The following OXR1 variants were observed in gnomAD, a reference collection of about 807,000 sequenced individuals.
The protein encoded by OXR1 is oxidation resistance 1.
In OXR1, 41 loss-of-function variants were observed where a neutral mutation model predicts 104.6. The observed-to-expected ratio is 0.39, with a 90% CI of 0.31 to 0.51. The LOEUF (loss-of-function observed/expected upper bound fraction) is 0.51, where lower values mean the gene tolerates loss of function less well. Ranked by LOEUF, OXR1 falls within the 20% of genes least tolerant of loss-of-function variation. The pLI, the probability that OXR1 is intolerant of heterozygous loss-of-function variation, is 0.77. For missense variants in OXR1, 955 were observed against 1,031.9 expected, an observed-to-expected ratio of 0.93 and a Z score of 1.02; for synonymous variants, 348 against 348.4, an observed-to-expected ratio of 1.00 and a Z score of 0.01.
intron 2 of OXR1, chr8:106,448,011 G>C (rs1179694018): frequency 3.4e-6 from 5 of 1,483,268 alleles, no homozygotes; most frequent in Non-Finnish European, 4.4e-6. Flanking sequence ...TTGCCTGCCT[G>C]CCTGCACAGA....
In OXR1 at chr8:106,659,671, G is replaced by A. The variant is rs28921378; in HGVS notation, c.221-19539G>A. Among the ~76,000 whole-genome samples the A allele has an allele frequency of 2.4e-3, 371 of 152,286 alleles. 3 individuals are homozygous for A. Among genetic ancestry groups the A allele is most frequent in the African/African-American group, 8.1e-3 (335 of 41,560 alleles). ...GGTAACTTAACTAAAAAGGAATATGGTTAGTATTTTAATAAATATGGCCAA... is the reference window on the plus strand; with the variant it reads ...GGTAACTTAACTAAAAAGGAATATGATTAGTATTTTAATAAATATGGCCAA... On this transcript the variant is annotated intron_variant, in intron 3 of 16. Coordinates refer to ENST00000517566, the MANE Select transcript of OXR1 (RefSeq NM_001198533.2).
chr8:106,386,806 A>G lies in OXR1; in HGVS notation c.23+27170A>G, dbSNP rs1817389721. 5.9e-5 allele frequency among the ~76,000 whole-genome samples: 9 copies of G among 152,348 alleles called. No homozygotes were observed. In the South Asian group the frequency reaches 1.9e-3, roughly 32 times the overall value. On this transcript the variant is annotated intron_variant, in intron 2 of 16. Coordinates refer to ENST00000517566, the MANE Select transcript of OXR1 (RefSeq NM_001198533.2). ...AAGGGAAGTGTGGAGAAGCAGGGGA[A>G]AATAAGCATGGGGACAGGAGCTAAG...
At chr8:106,465,869 T>C (rs1414423577) in intron 2 of OXR1, among the ~76,000 whole-genome samples, 2 of 151,990 alleles carry the variant, frequency 1.3e-5, no homozygotes, top group African/African-American at 4.8e-5. Context: ...AATTCTGAGA[T>C]TGGTTTCTAT....
chr8:106,494,071 A>C (rs781082868), intron 2 of OXR1, among the ~76,000 whole-genome samples: 20 of 152,310 alleles, frequency 1.3e-4, no homozygotes, highest in Non-Finnish European at 2.8e-4. Context: ...GAAAATTGTA[A>C]GCATGTTATT....
At chr8:106,316,737 T>TATC (rs1421940795) in intron 1 of OXR1, among the ~76,000 whole-genome samples, 45 of 129,420 alleles carry the variant, frequency 3.5e-4, no homozygotes, top group African/African-American at 8.3e-4. Context: ...TCTATCTATC[T>TATC]ATCTATCTAT....
At chr8:106,392,398 G>T (rs1245985263) in intron 2 of OXR1, among the ~76,000 whole-genome samples, 1 of 152,160 alleles carries the variant, frequency 6.6e-6, no homozygotes, top group African/African-American at 2.4e-5. Context: ...TGTCAAGTAG[G>T]CAGTTGGAGA....
chr8:106,573,253 C>T (rs1434607680), intron 3 of OXR1, among the ~76,000 whole-genome samples: 1 of 151,996 alleles, frequency 6.6e-6, no homozygotes, highest in Non-Finnish European at 1.5e-5. Flanking sequence ...CCCACCCCTG[C>T]CCCACCACAG....
At chr8:106,709,492 A>G (rs1223241060) in intron 9 of OXR1, among the ~76,000 whole-genome samples, 1 of 151,942 alleles carries the variant, frequency 6.6e-6, no homozygotes, top group East Asian at 1.9e-4. Context: ...CTTTGACTGC[A>G]TCTTTGACTA....
intron 1 of OXR1, among the ~76,000 whole-genome samples, chr8:106,333,663 T>C (rs1814830913): frequency 6.6e-6 from 1 of 152,098 alleles, no homozygotes; most frequent in South Asian, 2.1e-4. Context: ...TTGTATATGG[T>C]GAAGTAGAGG....
At chr8:106,463,479 C>G (rs1029509153) in intron 2 of OXR1, among the ~76,000 whole-genome samples, 1 of 152,044 alleles carries the variant, frequency 6.6e-6, no homozygotes, top group Non-Finnish European at 1.5e-5. Context: ...AAATATACTT[C>G]ATGTCTGTTT....
In OXR1 at chr8:106,490,862, G is replaced by C. The variant is rs3018081; in HGVS notation, c.24-28081G>C. Among the ~76,000 whole-genome samples the C allele has an allele frequency of 2.7e-4, 41 of 152,178 alleles. No homozygotes were observed. The South Asian group carries it at 4.4e-3, about 16-fold the overall frequency. ...TTTGGCGTGTTTAGCGTGTGTGGAG[G>C]GGGGAGCTGTAGGAGATAATGCCCT... On this transcript the variant is annotated intron_variant, in intron 2 of 16. Transcript: ENST00000517566.
chr8:106,464,162 T>G (rs1821058118), intron 2 of OXR1, among the ~76,000 whole-genome samples: 1 of 152,098 alleles, frequency 6.6e-6, no homozygotes, highest in African/African-American at 2.4e-5. Context: ...ACCCAGAATC[T>G]TCATAGAAAG....
intron 2 of OXR1, among the ~76,000 whole-genome samples, chr8:106,488,768 G>T (rs1242322962): frequency 1.4e-5 from 2 of 146,942 alleles, no homozygotes; most frequent in African/African-American, 5.1e-5. Context: ...GCTCTGTTCT[G>T]TTCCATTGAT....
chr8:106,716,693 A>G (rs918367490), intron 11 of OXR1, among the ~76,000 whole-genome samples: 9 of 152,138 alleles, frequency 5.9e-5, no homozygotes, highest in South Asian at 2.1e-4. Flanking sequence ...TTAGAATGGA[A>G]AGAAAAAAGA....
At chr8:106,743,783 T>C (rs2131586622) in intron 15 of OXR1, among the ~76,000 whole-genome samples, 1 of 152,276 alleles carries the variant, frequency 6.6e-6, no homozygotes, top group South Asian at 2.1e-4. Flanking sequence ...CCTCCTAATA[T>C]AAAGATACAT....
intron 11 of OXR1, among the ~76,000 whole-genome samples, chr8:106,734,579 G>A (rs181802284): frequency 6.6e-6 from 1 of 152,206 alleles, no homozygotes; most frequent in East Asian, 1.9e-4. Context: ...ACACTGGAAC[G>A]TCCATAAGGT....
chr8:106,569,422 C>T (rs1217039721), intron 3 of OXR1, among the ~76,000 whole-genome samples: 1 of 152,112 alleles, frequency 6.6e-6, no homozygotes, highest in Non-Finnish European at 1.5e-5. Context: ...TCTGCAATTG[C>T]ACGTATAGGT....
At chr8:106,577,634 C>T (rs1304753656) in intron 3 of OXR1, among the ~76,000 whole-genome samples, 1 of 152,060 alleles carries the variant, frequency 6.6e-6, no homozygotes, top group Admixed American at 6.6e-5. Flanking sequence ...AGGTGATCCA[C>T]CTTCCTCGGC....
chr8:106,712,132 A>T (rs994495924), intron 10 of OXR1, among the ~76,000 whole-genome samples: 1 of 152,124 alleles, frequency 6.6e-6, no homozygotes, highest in African/African-American at 2.4e-5. Context: ...AGTCAGTGAG[A>T]CTGAAGAGAG....
Sources: allele counts gnomAD v4.1 joint callset (sites outside exome capture counted in the v4.1 genomes callset), GRCh38; gene constraint gnomAD v4.1.1; transcripts MANE v1.5; gene names NCBI Gene and HGNC (gene_info 2026-07-23, HGNC 2026-07-21).